Variants in PKHD1L1 observed in about 807,000 individuals in gnomAD.
PKHD1L1 encodes PKHD1 like 1, also known as fibrocystin-L.
PKHD1L1 carries 434 observed loss-of-function variants against 462.9 expected under a neutral mutation model. That is an observed-to-expected ratio of 0.94 (90% CI 0.87 to 1.02). PKHD1L1 has a LOEUF of 1.02. PKHD1L1 is among the 50% of genes least tolerant of loss of function. The probability of loss-of-function intolerance (pLI) is 0.00; values close to 1 mark genes in which losing one functional copy is unlikely to be tolerated. For synonymous variants in PKHD1L1, 1,781 were observed against 1,750.0 expected (o/e 1.02, Z -0.44); for missense variants, 5,202 against 5,096.1 (o/e 1.02, Z -0.63).
At chr8:109,475,961 G>A (rs1817968872) in intron 51 of PKHD1L1, among the ~76,000 whole-genome samples, 1 of 151,724 alleles carries the variant, frequency 6.6e-6, no homozygotes, top group South Asian at 2.1e-4. Flanking sequence ...GAAGCCTTCT[G>A]TATTATTTAC....
intron 77 of PKHD1L1, 37 bp from the exon 78 acceptor site, chr8:109,530,043 T>C: frequency 1.1e-5 from 14 of 1,253,968 alleles, no homozygotes; most frequent in Non-Finnish European, 1.5e-5. Flanking sequence ...ATGCTATTTC[T>C]ACTTAAAAAT....
At chr8:109,489,749 G>T (rs1321544011) in intron 59 of PKHD1L1, among the ~76,000 whole-genome samples, 1 of 151,664 alleles carries the variant, frequency 6.6e-6, no homozygotes, top group African/African-American at 2.4e-5. Flanking sequence ...GGAGAGTGCA[G>T]GCTATTAGGA....
chr8:109,489,732 T>A (rs1818734893), intron 59 of PKHD1L1, among the ~76,000 whole-genome samples: 1 of 151,714 alleles, frequency 6.6e-6, no homozygotes, highest in Admixed American at 6.6e-5. Context: ...GTTATTAAAA[T>A]TTTGCGGGAG....
intron 50 of PKHD1L1, among the ~76,000 whole-genome samples, chr8:109,467,129 G>C (rs1817485962): frequency 1.3e-5 from 2 of 152,006 alleles, no homozygotes; most frequent in Middle Eastern, 3.2e-3. Context: ...GCATTTACTA[G>C]GTTAATAGCT....
chr8:109,486,598 G>C (rs769161218), intron 58 of PKHD1L1, 50 bp from the exon 59 acceptor site: 6 of 1,564,134 alleles, frequency 3.8e-6, no homozygotes, highest in Non-Finnish European at 5.2e-6. Context: ...AACTAGTAAA[G>C]ACAGATACTT....
At position 109,476,588 on chromosome 8, in the gene PKHD1L1, C is replaced by A; in HGVS notation, c.8838C>A (p.Ser2946=). ...ATATTATTGATATGAGGAATGGTTC[C>A]TCAAATCCATTGAATTGGAATACTA... ...MFNIIDMRNG[S]SNPLNWNTSK... The change falls in exon 52 of 78, where the codon TCC becomes TCA. Residue 2946 remains serine (S), a synonymous_variant. Coordinates refer to ENST00000378402, the MANE Select transcript of PKHD1L1 (RefSeq NM_177531.6). The A allele has an allele frequency of 6.3e-7, 1 of 1,583,202 alleles. No individual in the cohort carries two copies. The highest frequency in any genetic ancestry group is 1.1e-5 in the South Asian group (1 of 87,370).
intron 73 of PKHD1L1, 117 bp from the exon 74 acceptor site, chr8:109,522,069 C>T: frequency 9.7e-7 from 1 of 1,035,800 alleles, no homozygotes; most frequent in Non-Finnish European, 1.3e-6. Flanking sequence ...GACTAGAAAG[C>T]CTTAGAATTC....
At chr8:109,497,427 G>C (rs889765596) in intron 65 of PKHD1L1, among the ~76,000 whole-genome samples, 155 bp downstream of exon 65, 4 of 136,206 alleles carry the variant, frequency 2.9e-5, no homozygotes, top group East Asian at 2.1e-4. Flanking sequence ...CTAAAAAACC[G>C]TTCTTTTTTT....
chr8:109,497,018 T>C lies in PKHD1L1; in HGVS notation c.10427T>C (p.Ile3476Thr), dbSNP rs1268179306. Reference protein sequence around the residue: ...NQDGLPGCSLIQGFTIWTCWD... With the variant: ...NQDGLPGCSLTQGFTIWTCWD... The stretch of plus-strand genomic sequence containing the variant: ...GATGGCCTTCCTGGATGTTCTCTTA[T>C]ACAAGGATTTACCATTTGGACATGC... The change falls in exon 64 of 78, where the codon ATA (isoleucine) becomes ACA (threonine). Residue 3476 changes from isoleucine (I) to threonine (T), a missense_variant. Transcript: ENST00000378402. 1.2e-6 allele frequency: 2 copies of C among 1,613,688 alleles called. No individual in the cohort carries two copies. The highest frequency in any genetic ancestry group is 1.1e-5 in the South Asian group (1 of 91,072).
At chr8:109,449,519 T>C in intron 40 of PKHD1L1, 32 bp downstream of exon 40, 2 of 1,525,618 alleles carry the variant, frequency 1.3e-6, no homozygotes, top group Non-Finnish European at 8.8e-7. Flanking sequence ...TGGCAGTCTT[T>C]GAGAACTAGT....
rs1298640037 is a variant in PKHD1L1 at position 109,532,980 on chromosome 8, T to C, written c.*2890T>C. On this transcript the variant is annotated 3_prime_UTR_variant, in exon 78 of 78. Coordinates refer to ENST00000378402, the MANE Select transcript of PKHD1L1 (RefSeq NM_177531.6). Reference sequence around the variant, plus strand: ...AGCAATCCTATGAGGATAACCTTATTCCCTTCTCCAAATGAGGAAACTTGA... The same window carrying C: ...AGCAATCCTATGAGGATAACCTTATCCCCTTCTCCAAATGAGGAAACTTGA... Among the ~76,000 whole-genome samples the C allele has an allele frequency of 2.0e-5, 3 of 152,230 alleles. No individual in the cohort carries two copies. Among genetic ancestry groups the C allele is most frequent in the Non-Finnish European group, 4.4e-5 (3 of 68,040 alleles).
At chr8:109,425,260 T>C (rs773409059) in intron 24 of PKHD1L1, 28 bp downstream of exon 24, 2 of 1,543,702 alleles carry the variant, frequency 1.3e-6, no homozygotes, top group Non-Finnish European at 1.7e-6. Flanking sequence ...AAAATATTGG[T>C]GTATACGCAC....
chr8:109,417,588 G>A (rs1288461717), intron 21 of PKHD1L1, among the ~76,000 whole-genome samples: 2 of 152,132 alleles, frequency 1.3e-5, no homozygotes, highest in Admixed American at 6.5e-5. Flanking sequence ...CTGTTGCCAA[G>A]GTTGGAGTGC....
intron 23 of PKHD1L1, among the ~76,000 whole-genome samples, chr8:109,423,207 AACTT>A (rs1814564996): frequency 1.3e-5 from 2 of 151,880 alleles, no homozygotes; most frequent in South Asian, 2.1e-4. Context: ...CAAGTCTAAG[AACTT>A]ACTTAGCTCT....
Position 109,445,271 on chromosome 8 carries a change from T to C in PKHD1L1, c.5402T>C (p.Leu1801Pro). ...IEVNENNITA[L>P]VTPLPVGHHS... ...GTTAATGAAAACAACATCACTGCTCTTGTGACTCCTCTCCCAGTTGGACAT... is the reference window on the plus strand; with the variant it reads ...GTTAATGAAAACAACATCACTGCTCCTGTGACTCCTCTCCCAGTTGGACAT... The change falls in exon 38 of 78, where the codon CTT becomes CCT. Residue 1801 changes from leucine to proline, a missense_variant. Around this residue, in one of 3 missense-constraint regions of PKHD1L1, gnomAD observed 4,497 missense variants for 4,336.8 expected, o/e 1.04. Transcript: ENST00000378402. 2 of 1,614,010 alleles carry C rather than the reference T, an allele frequency of 1.2e-6. No individual in the cohort carries two copies. The highest frequency in any genetic ancestry group is 1.7e-6 in the Non-Finnish European group (2 of 1,179,884).
chr8:109,371,456 C>G (rs1298926162), intron 2 of PKHD1L1, among the ~76,000 whole-genome samples: 1 of 150,186 alleles, frequency 6.7e-6, no homozygotes, highest in Non-Finnish European at 1.5e-5. Flanking sequence ...CTGTAGGTTG[C>G]CTGTTCACTC....
intron 35 of PKHD1L1, 46 bp from the exon 36 acceptor site, chr8:109,442,899 TG>T (rs1815883843): frequency 6.5e-7 from 1 of 1,538,610 alleles, no homozygotes; most frequent in African/African-American, 1.4e-5. Context: ...TTTTCAAATA[TG>T]CATTAATTGC....
chr8:109,438,583 G>GC, intron 31 of PKHD1L1, 127 bp downstream of exon 31: 1 of 802,176 alleles, frequency 1.2e-6, no homozygotes. Context: ...AGTGTTATGT[G>GC]TGTGTATGTT....
intron 18 of PKHD1L1, among the ~76,000 whole-genome samples, chr8:109,409,564 G>T (rs12681579): frequency 0.3 from 45,234 of 151,910 alleles, 7,318 homozygotes; most frequent in Admixed American, 0.43. Flanking sequence ...ATTTAGGTTT[G>T]CTTCATTGCT....
Sources: gnomAD v4.1 joint callset for allele counts (sites outside exome capture counted in the v4.1 genomes callset) on GRCh38, gnomAD v4.1.1 for gene constraint, gnomAD v4.1.1 regional missense constraint, MANE v1.5 for transcripts, NCBI Gene and HGNC (gene_info 2026-07-23, HGNC 2026-07-21) for gene names.